TMEM50B: variants seen among roughly 807,000 people sequenced by gnomAD.
TMEM50B encodes the protein HCV p7-trans-regulated protein 3.
A neutral mutation model predicts 23.4 loss-of-function variants in TMEM50B; 14 were observed. That is an observed-to-expected ratio of 0.60 (90% confidence interval 0.39 to 0.93). The LOEUF (loss-of-function observed/expected upper bound fraction) is 0.93, where lower values mean the gene tolerates loss of function less well. TMEM50B is among the 40% of genes least tolerant of loss of function. The pLI, the probability that TMEM50B is intolerant of heterozygous loss-of-function variation, is 0.00. For synonymous variants in TMEM50B, 64 were observed against 62.3 expected, an observed-to-expected ratio of 1.03 and a Z score of -0.13; for missense variants, 159 against 193.0, an observed-to-expected ratio of 0.82 and a Z score of 1.04.
Position 33,462,872 on chromosome 21 carries a change from C to T in TMEM50B, c.281-2367G>A, listed in dbSNP as rs189148097. 1.2e-4 allele frequency among the ~76,000 whole-genome samples: 19 copies of T among 152,290 alleles called. No homozygotes were observed. The East Asian group carries it at 3.1e-3, about 25-fold the overall frequency. The stretch of plus-strand genomic sequence containing the variant: ...GATGAAAAGTAAGCGCGATCGCATG[C>T]GCATACACACACATATTGTGCACTT... On this transcript the variant is annotated intron_variant, in intron 4 of 6. Coordinates refer to ENST00000542230, the MANE Select transcript of TMEM50B (RefSeq NM_006134.7).
chr21:33,440,274 G>A (rs748570466), intron 7 of TMEM50B, among the ~76,000 whole-genome samples: 7 of 152,042 alleles, frequency 4.6e-5, no homozygotes. Flanking sequence ...AAATTTCACT[G>A]TTCATAAATA....
At chr21:33,473,998 T>C (rs923701654) in intron 1 of TMEM50B, among the ~76,000 whole-genome samples, 3 of 152,012 alleles carry the variant, frequency 2.0e-5, no homozygotes, top group Non-Finnish European at 4.4e-5. Context: ...TAAAGCGGAT[T>C]AGTGGCTGTC....
At chr21:33,436,386 G>A (rs1301560092) in intron 8 of TMEM50B, among the ~76,000 whole-genome samples, 1 of 151,816 alleles carries the variant, frequency 6.6e-6, no homozygotes, top group African/African-American at 2.4e-5. Flanking sequence ...TGTCATTGGT[G>A]GACAGAATCA....
Position 33,460,480 on chromosome 21 carries a change from A to T in TMEM50B, c.306T>A (p.Gly102=). Residue 102 remains glycine (G), a synonymous_variant, in exon 5 of 7, where the codon GGT becomes GGA. Coordinates refer to ENST00000542230, the MANE Select transcript of TMEM50B (RefSeq NM_006134.7). ...RTGARVWLFI[G]FMLMFGSLIA... ...TAAGTGACCCAAACATCAACATGAA[A>T]CCAATGAAAAGCCAAACTCGAGCAC... is the stretch of plus-strand genomic sequence containing the variant. 6.2e-7 allele frequency: 1 copy of T among 1,611,642 alleles called. No homozygotes were observed. Among genetic ancestry groups the T allele is most frequent in the South Asian group, 1.1e-5 (1 of 90,588 alleles).
chr21:33,464,389 G>A (rs1326266619), intron 4 of TMEM50B, among the ~76,000 whole-genome samples: 3 of 151,034 alleles, frequency 2.0e-5, no homozygotes, highest in Admixed American at 6.6e-5. Context: ...TAGTAGAGAC[G>A]GGGTTTCTCC....
At chr21:33,472,784 A>T (rs747228061) in intron 1 of TMEM50B, among the ~76,000 whole-genome samples, 2 of 151,946 alleles carry the variant, frequency 1.3e-5, no homozygotes, top group East Asian at 1.9e-4. Context: ...AGGCAGGAGG[A>T]TCACTTGAAC....
intron 8 of TMEM50B, chr21:33,437,292 CT>C: frequency 6.8e-6 from 2 of 295,542 alleles, no homozygotes; most frequent in South Asian, 6.9e-5. Context: ...ATTGGTTGGG[CT>C]GAGCAGTCAG....
In TMEM50B at chr21:33,477,430, G is replaced by A. The variant is rs1201882373; in HGVS notation, c.-42+2408C>T. On this transcript the variant is annotated intron_variant, in intron 1 of 6. Transcript: ENST00000542230. ...GAATGGAATTGAGGATGTAAAGAGT[G>A]AACAAACAAGGAATTCTAACTTGAC... Among the ~76,000 whole-genome samples the A allele has an allele frequency of 2.0e-5, 3 of 152,250 alleles. No homozygotes were observed. The East Asian group carries it at 5.8e-4, about 29-fold the overall frequency.
chr21:33,458,466 A>C (rs1273730314), intron 5 of TMEM50B, among the ~76,000 whole-genome samples: 2 of 152,194 alleles, frequency 1.3e-5, no homozygotes, highest in East Asian at 3.9e-4. Context: ...GTGAGCCGAG[A>C]TCACGCCACT....
chr21:33,436,945 G>A (rs1350091068), intron 8 of TMEM50B: 2 of 1,613,878 alleles, frequency 1.2e-6, no homozygotes, highest in Non-Finnish European at 1.7e-6. Flanking sequence ...GCAAGAAGAT[G>A]TTCTCCAAAC....
intron 6 of TMEM50B, among the ~76,000 whole-genome samples, chr21:33,452,533 C>T (rs2084131416): frequency 6.6e-6 from 1 of 152,150 alleles, no homozygotes; most frequent in South Asian, 2.1e-4. Flanking sequence ...AGAGAAACCT[C>T]GGAATACATG....
At chr21:33,462,587 G>A (rs2084226647) in intron 4 of TMEM50B, among the ~76,000 whole-genome samples, 1 of 152,126 alleles carries the variant, frequency 6.6e-6, no homozygotes, top group African/African-American at 2.4e-5. Flanking sequence ...GGGGAGGATT[G>A]CTTGAGCCCA....
intron 5 of TMEM50B, chr21:33,455,992 C>A: frequency 1.4e-6 from 1 of 702,892 alleles, no homozygotes. Context: ...GGATAAAAGT[C>A]AATGAACTTA....
chr21:33,450,885 T>C (rs764336623), intron 6 of TMEM50B, 22 bp from the exon 7 acceptor site: 1 of 1,608,762 alleles, frequency 6.2e-7, no homozygotes, highest in Non-Finnish European at 8.5e-7. Flanking sequence ...GGAAAACAAA[T>C]CATGAGGAAA....
chr21:33,447,395 A>G (rs1219855183), downstream of TMEM50B, among the ~76,000 whole-genome samples: 3 of 152,144 alleles, frequency 2.0e-5, no homozygotes, highest in Admixed American at 2.0e-4. Flanking sequence ...GTAGTGAGCT[A>G]TAATCACACC....
intron 6 of TMEM50B, among the ~76,000 whole-genome samples, chr21:33,454,277 T>C (rs1278538134): frequency 6.6e-6 from 1 of 152,120 alleles, no homozygotes; most frequent in Non-Finnish European, 1.5e-5. Flanking sequence ...AGGTTTTGTA[T>C]ATAATATGCA....
At chr21:33,453,539 C>CA (rs1273405085) in intron 6 of TMEM50B, among the ~76,000 whole-genome samples, 6 of 151,818 alleles carry the variant, frequency 4.0e-5, no homozygotes, top group Non-Finnish European at 7.4e-5. Context: ...GCAGTGGATA[C>CA]AAAAAATGCT....
At chr21:33,462,115 T>C (rs1348351378) in intron 4 of TMEM50B, among the ~76,000 whole-genome samples, 2 of 152,184 alleles carry the variant, frequency 1.3e-5, no homozygotes, top group Non-Finnish European at 2.9e-5. Context: ...CTAGTTCCTG[T>C]TCTTTTTTAT....
chr21:33,440,342 C>G (rs1348885725), intron 7 of TMEM50B, among the ~76,000 whole-genome samples: 4 of 152,100 alleles, frequency 2.6e-5, no homozygotes, highest in Non-Finnish European at 4.4e-5. Flanking sequence ...AATCCCAGCA[C>G]TTTGGGAGGC....
Sources: allele counts gnomAD v4.1 joint callset (sites outside exome capture counted in the v4.1 genomes callset), GRCh38; gene constraint gnomAD v4.1.1; transcripts MANE v1.5; gene names NCBI Gene and HGNC (gene_info 2026-07-23, HGNC 2026-07-21).